The following BACE1 variants were observed in gnomAD, a reference collection of about 807,000 sequenced individuals.
The protein encoded by BACE1 is beta-secretase 1, also known as APP beta-secretase.
In BACE1, 21 loss-of-function variants were observed where a neutral mutation model predicts 54.0. The observed-to-expected ratio is 0.39, with a 90% CI of 0.28 to 0.56. The LOEUF (loss-of-function observed/expected upper bound fraction) is 0.56. Among genes scored for constraint, BACE1 ranks in the 20% least tolerant of loss-of-function variants. The pLI is 0.63. For synonymous variants in BACE1, 232 were observed against 260.9 expected, an observed-to-expected ratio of 0.89 and a Z score of 1.07; for missense variants, 511 against 661.2, an observed-to-expected ratio of 0.77 and a Z score of 2.49.
At chr11:117,308,907 G>A (rs953697953) in intron 1 of BACE1, among the ~76,000 whole-genome samples, 4 of 152,012 alleles carry the variant, frequency 2.6e-5, no homozygotes, top group African/African-American at 7.3e-5. Context: ...AGCTGAGATC[G>A]CGCCACTGCA....
At chr11:117,313,079 A>T (rs1437545064) in intron 1 of BACE1, among the ~76,000 whole-genome samples, 2 of 152,206 alleles carry the variant, frequency 1.3e-5, no homozygotes, top group Admixed American at 1.3e-4. Context: ...TCAGAATACA[A>T]TGCCATCCAA....
intron 1 of BACE1, chr11:117,299,503 G>A: frequency 3.6e-6 from 1 of 277,762 alleles, no homozygotes. Context: ...CCCTCCCCCA[G>A]TGCCTGCTTA....
rs112692886 is a variant in BACE1, at chr11:117,303,180, C to T, written c.262-6219G>A. 5.6e-3 allele frequency among the ~76,000 whole-genome samples: 849 copies of T among 152,250 alleles called. 10 individuals are homozygous for T. Among genetic ancestry groups the T allele is most frequent in the South Asian group, 0.029 (140 of 4,822 alleles). ...CTAGCTTAGACCTGCCTTCCTCTCA[C>T]CTGGCCCCTGGCATGACACCTGCCT... On this transcript the variant is annotated intron_variant, in intron 1 of 8. Transcript: ENST00000313005.
chr11:117,313,063 T>C (rs969267478), intron 1 of BACE1, among the ~76,000 whole-genome samples: 10 of 152,196 alleles, frequency 6.6e-5, no homozygotes, highest in African/African-American at 2.4e-4. Flanking sequence ...TTTTACTTTT[T>C]CTTGTTCAGA....
chr11:117,292,181 CTTTTTTTTTTTTTTTTTT>C (rs1173571595), intron 5 of BACE1: 1 of 62,850 alleles, frequency 1.6e-5, no homozygotes, highest in African/African-American at 6.7e-5. Flanking sequence ...CTTTTCTTTT[CTTTTTTTTTTTTTTTTTT>C]TTTTTTTTGA....
chr11:117,287,937 C>G lies in BACE1; in HGVS notation c.*1629G>C, dbSNP rs1350378050. ...ATTCCACACTTAGCAGGTCCCATAC[C>G]TGGAAGCAGCGGGTTGACCAGGTAG... is the stretch of plus-strand genomic sequence containing the variant. On this transcript the variant is annotated 3_prime_UTR_variant, in exon 9 of 9. Transcript: ENST00000313005. 6.6e-6 allele frequency: 1 copy of G among 152,654 alleles called. No homozygotes were observed. 9.5% of individuals were successfully genotyped at this position (152,654 alleles called of 1,614,324 possible).
rs2034290832 is a variant in BACE1, at chr11:117,287,362, G to A, written c.*2204C>T. 6.6e-6 allele frequency: 1 copy of A among 152,492 alleles called. No individual in the cohort carries two copies. The highest frequency in any genetic ancestry group is 2.4e-5 in the African/African-American group (1 of 41,396). 9.4% of individuals were successfully genotyped at this position (152,492 alleles called of 1,614,324 possible). A position where few individuals can be genotyped will look rare whatever the true frequency, so the allele number is the denominator to read the frequency against. On this transcript the variant is annotated 3_prime_UTR_variant, in exon 9 of 9. Coordinates refer to ENST00000313005, the MANE Select transcript of BACE1 (RefSeq NM_012104.6). ...CCCCAAATGCAGTGAGTGGAGAATG[G>A]GACAGTCATTTTTCAGGAGCAGAAT...
rs12419997 is a variant in BACE1, at chr11:117,298,159, G to A, written c.262-1198C>T. ...TCTACTAAAAATACAAAGATTAGCC[G>A]GGTGTGGTGACGCACGCCTATAATC... On this transcript the variant is annotated intron_variant, in intron 1 of 8. Coordinates refer to ENST00000313005, the MANE Select transcript of BACE1 (RefSeq NM_012104.6). Among the ~76,000 whole-genome samples the A allele has an allele frequency of 9.5e-4, 145 of 152,104 alleles. 1 individual carries two copies. The highest frequency in any genetic ancestry group is 5.4e-3 in the Admixed American group (83 of 15,276).
In BACE1 at chr11:117,293,873, T is replaced by C; in HGVS notation, c.703A>G (p.Met235Val). The stretch of plus-strand genomic sequence containing the variant: ...CCCCTCTCTGAGGACCTACTCACCA[T>C]GCTCCCTCCGACAGAGGCCAGCACT... ...SEVLASVGGS[M>V]IIGGIDHSLY... is the part of the protein sequence containing the mutation. The change falls in exon 4 of 9, where the codon ATG (methionine) becomes GTG (valine). Residue 235 changes from methionine to valine, a missense_variant and splice_region_variant. Physicochemically the swap from Met to Val is conservative, Grantham distance 21. Around this residue, in one of 2 missense-constraint regions of BACE1, gnomAD observed 407 missense variants for 565.7 expected, o/e 0.72. Transcript: ENST00000313005. This position sits in a 1 kb window ranked among gnomAD's most constrained non-coding sequence, Gnocchi z 4.1. 1 of 1,612,366 alleles carries C rather than the reference T, an allele frequency of 6.2e-7. No individual in the cohort carries two copies. Among genetic ancestry groups the C allele is most frequent in the Non-Finnish European group, 8.5e-7 (1 of 1,179,434 alleles).
chr11:117,300,810 ATC>A (rs1481195147), intron 1 of BACE1, among the ~76,000 whole-genome samples: 2 of 151,954 alleles, frequency 1.3e-5, no homozygotes, highest in Middle Eastern at 3.4e-3. Flanking sequence ...CCCTGGCCCC[ATC>A]TCCACCAAAT....
chr11:117,289,413 T>C lies in BACE1; in HGVS notation c.*153A>G. 3 of 1,339,396 alleles carry C rather than the reference T, an allele frequency of 2.2e-6. No individual in the cohort carries two copies. The highest frequency in any genetic ancestry group is 3.0e-6 in the Non-Finnish European group (3 of 1,007,848). The allele number at this position is 1,339,396 out of a possible 1,614,324, so 83.0% of individuals were successfully genotyped here. ...GTCCCTGGAACCCACCTTGCCAGCC[T>C]TTTCCTTCTCCATCAAGGCAGAGGC... On this transcript the variant is annotated 3_prime_UTR_variant, in exon 9 of 9. Coordinates refer to ENST00000313005, the MANE Select transcript of BACE1 (RefSeq NM_012104.6).
At chr11:117,301,139 T>G (rs1041043595) in intron 1 of BACE1, among the ~76,000 whole-genome samples, 2 of 152,224 alleles carry the variant, frequency 1.3e-5, no homozygotes, top group African/African-American at 4.8e-5. Flanking sequence ...TCTGTCTCCT[T>G]GGCAGGCTCC....
chr11:117,304,712 G>A (rs1478025714), intron 1 of BACE1, among the ~76,000 whole-genome samples: 1 of 152,132 alleles, frequency 6.6e-6, no homozygotes, highest in African/African-American at 2.4e-5. Flanking sequence ...GATAAGATTA[G>A]GTTCTTCCTC....
intron 1 of BACE1, among the ~76,000 whole-genome samples, chr11:117,305,557 A>G (rs1331630385): frequency 2.7e-5 from 4 of 150,622 alleles, no homozygotes; most frequent in African/African-American, 4.9e-5. Flanking sequence ...AGGAGTCCCA[A>G]TGTGGCTGGG....
intron 1 of BACE1, among the ~76,000 whole-genome samples, chr11:117,309,207 G>T (rs953564514): frequency 2.0e-5 from 3 of 152,132 alleles, no homozygotes; most frequent in Non-Finnish European, 4.4e-5. Flanking sequence ...CATGTCTAGA[G>T]TCATGATGCT....
Position 117,289,543 on chromosome 11 carries a change from C to G in BACE1, c.*23G>C. 1 of 1,612,498 alleles carries G rather than the reference C, an allele frequency of 6.2e-7. No homozygotes were observed. Among genetic ancestry groups the G allele is most frequent in the Non-Finnish European group, 8.5e-7 (1 of 1,179,160 alleles). ...ACGGAGGTGTGGTCCAGGGGAATCT[C>G]TATCTTCTGCCCATGGGCCTCCTCA... On this transcript the variant is annotated 3_prime_UTR_variant, in exon 9 of 9. Coordinates refer to ENST00000313005, the MANE Select transcript of BACE1 (RefSeq NM_012104.6).
rs1475341198 is a variant in BACE1 at position 117,286,326 on chromosome 11, T to C, written c.*3240A>G. The C allele has an allele frequency of 6.6e-6, 1 of 152,216 alleles. No individual in the cohort carries two copies. The highest frequency in any genetic ancestry group is 1.5e-5 in the Non-Finnish European group (1 of 68,040). 9.4% of individuals were successfully genotyped at this position (152,216 alleles called of 1,614,324 possible). A position where few individuals can be genotyped will look rare whatever the true frequency, so the allele number is the denominator to read the frequency against. The stretch of plus-strand genomic sequence containing the variant: ...CCTCTGCTTATTGTACTTCTTAATT[T>C]TAGGTTTTATACCTGGGAAAGCTGT... On this transcript the variant is annotated 3_prime_UTR_variant, in exon 9 of 9. Coordinates refer to ENST00000313005, the MANE Select transcript of BACE1 (RefSeq NM_012104.6).
At chr11:117,306,041 T>A (rs1429784618) in intron 1 of BACE1, among the ~76,000 whole-genome samples, 2 of 151,834 alleles carry the variant, frequency 1.3e-5, no homozygotes, top group African/African-American at 4.8e-5. Context: ...GTCTCAAAAA[T>A]AAATAAATAA....
intron 2 of BACE1, among the ~76,000 whole-genome samples, chr11:117,296,264 C>T (rs552930065): frequency 2.6e-5 from 4 of 151,976 alleles, no homozygotes; most frequent in East Asian, 3.9e-4. Context: ...CCCCCACTTT[C>T]ACCAGTCCTC....
Sources: allele counts gnomAD v4.1 joint callset (sites outside exome capture counted in the v4.1 genomes callset), GRCh38; gene constraint gnomAD v4.1.1; regional missense constraint gnomAD v4.1.1; non-coding constraint Gnocchi (gnomAD v3.1); transcripts MANE v1.5; gene names NCBI Gene and HGNC (gene_info 2026-07-23, HGNC 2026-07-21).